MYOM2: variants seen among roughly 807,000 people sequenced by gnomAD.
The protein encoded by MYOM2 is myomesin 2, also known as myomesin-2.
Under a neutral mutation model 187.6 loss-of-function variants are expected in MYOM2, and 254 were observed. That is an observed-to-expected ratio of 1.35 (90% CI 1.22 to 1.50). MYOM2 has a LOEUF of 1.50. Ranked by LOEUF, MYOM2 falls within the 40% of genes most tolerant of loss-of-function variation. The probability of loss-of-function intolerance (pLI) is 0.00; values close to 1 mark genes in which losing one functional copy is unlikely to be tolerated. For missense variants in MYOM2, 2,796 were observed against 1,924.0 expected (o/e 1.45, Z -8.48); for synonymous variants, 981 against 753.8 (o/e 1.30, Z -4.94).
rs1302503339 is a variant in MYOM2, at chr8:2,085,568, C to CCT, written c.1644+179_1644+180insTC. Among the ~76,000 whole-genome samples, 3 of 10,022 alleles carry CCT rather than the reference C, an allele frequency of 3.0e-4. 1 individual carries two copies. In the African/African-American group the frequency reaches 6.8e-3, roughly 23 times the overall value. The allele number at this position is 10,022 out of a possible 152,430, so 6.6% of individuals were successfully genotyped here. The stretch of plus-strand genomic sequence containing the variant: ...CCCCACTGTCATGATCTCTGCGTGG[C>CCT]CCCACTGTTGTGATCTCTGCGTGGC... On this transcript the variant is annotated intron_variant, in intron 14 of 36. Coordinates refer to ENST00000262113, the MANE Select transcript of MYOM2 (RefSeq NM_003970.4).
At chr8:2,062,969 G>T (rs368965961) in intron 6 of MYOM2, among the ~76,000 whole-genome samples, 1 of 152,154 alleles carries the variant, frequency 6.6e-6, no homozygotes, top group African/African-American at 2.4e-5. Flanking sequence ...AGATAAAGTC[G>T]TTGAATCCGC....
intron 10 of MYOM2, among the ~76,000 whole-genome samples, chr8:2,075,052 T>G (rs916182107): frequency 6.6e-6 from 1 of 152,240 alleles, no homozygotes; most frequent in South Asian, 2.1e-4. Flanking sequence ...GATTACTTTT[T>G]CCATTGCATC....
Position 2,106,532 on chromosome 8 carries a change from G to A in MYOM2, c.2933G>A (p.Gly978Glu). ...AAGAATCCGGATAAGGAGGATTTAGGGACTTACTCCGTGTCTGTAAGTGAT... is the reference window on the plus strand; with the variant it reads ...AAGAATCCGGATAAGGAGGATTTAGAGACTTACTCCGTGTCTGTAAGTGAT... ...YLKNPDKEDL[G>E]TYSVSVSDTD... The change falls in exon 23 of 37, where the codon GGG (glycine) becomes GAG (glutamate). Residue 978 changes from glycine to glutamate, a missense_variant. Transcript: ENST00000262113. 6.2e-7 allele frequency: 1 copy of A among 1,612,496 alleles called. No individual in the cohort carries two copies. Among genetic ancestry groups the A allele is most frequent in the Non-Finnish European group, 8.5e-7 (1 of 1,178,598 alleles).
chr8:2,144,789 C>T lies in MYOM2; in HGVS notation c.4206C>T (p.Ser1402=), dbSNP rs773089561. ...SVKVEQAKYV[S]MTIKGVTSED... ...AGGTGGAGCAGGCCAAGTACGTCAGCATGACCATCAAAGGCGTGACCTCCG... is the reference window on the plus strand; with the variant it reads ...AGGTGGAGCAGGCCAAGTACGTCAGTATGACCATCAAAGGCGTGACCTCCG... Residue 1402 remains serine, a synonymous_variant, in exon 37 of 37, where the codon AGC becomes AGT. Coordinates refer to ENST00000262113, the MANE Select transcript of MYOM2 (RefSeq NM_003970.4). 6 of 1,614,228 alleles carry T rather than the reference C, an allele frequency of 3.7e-6. No individual in the cohort carries two copies. Among genetic ancestry groups the T allele is most frequent in the East Asian group, 2.2e-5 (1 of 44,876 alleles).
At chr8:2,105,772 T>C (rs1158150716) in intron 21 of MYOM2, among the ~76,000 whole-genome samples, 1 of 152,250 alleles carries the variant, frequency 6.6e-6, no homozygotes. Context: ...TCCTGGGTCA[T>C]TAAATGCAAC....
intron 27 of MYOM2, among the ~76,000 whole-genome samples, chr8:2,117,071 C>A (rs1427140648): frequency 2.0e-5 from 3 of 152,310 alleles, no homozygotes; most frequent in East Asian, 3.9e-4. Context: ...CCTCAAAAAA[C>A]ATTTTTATAT....
In MYOM2 at chr8:2,074,067, G is replaced by A. The variant is rs147678562; in HGVS notation, c.1120+567G>A. ...CAGGCAGTGTGCTGGGGTCCTACAC[G>A]GATTTCGTCTTCACAGCAGACTCAC... On this transcript the variant is annotated intron_variant, in intron 10 of 36. Coordinates refer to ENST00000262113, the MANE Select transcript of MYOM2 (RefSeq NM_003970.4). 9.8e-4 allele frequency among the ~76,000 whole-genome samples: 149 copies of A among 152,220 alleles called. 1 individual carries two copies. Among genetic ancestry groups the A allele is most frequent in the African/African-American group, 3.5e-3 (145 of 41,510 alleles).
In MYOM2 at chr8:2,047,862, C is replaced by T. The variant is rs147299947; in HGVS notation, c.-13+2694C>T. On this transcript the variant is annotated intron_variant, in intron 1 of 36. Coordinates refer to ENST00000262113, the MANE Select transcript of MYOM2 (RefSeq NM_003970.4). ...TCACACATGAAGTGTTTGAAGACTT[C>T]CAGGCCCACAGGACCGGATGTCACG... 5.9e-3 allele frequency among the ~76,000 whole-genome samples: 901 copies of T among 152,292 alleles called. 3 individuals are homozygous for T. Among genetic ancestry groups the T allele is most frequent in the Non-Finnish European group, 7.2e-3 (490 of 68,020 alleles).
intron 3 of MYOM2, among the ~76,000 whole-genome samples, chr8:2,055,771 C>G (rs560785226): frequency 5.9e-5 from 9 of 152,278 alleles, no homozygotes; most frequent in African/African-American, 2.2e-4. Flanking sequence ...CACCCTGGGT[C>G]TCGGACAGGC....
intron 2 of MYOM2, among the ~76,000 whole-genome samples, chr8:2,051,640 C>G (rs1026264383): frequency 3.9e-5 from 6 of 152,216 alleles, no homozygotes; most frequent in Non-Finnish European, 5.9e-5. Flanking sequence ...TGGGGTGTCT[C>G]AAATCCCTCA....
intron 28 of MYOM2, among the ~76,000 whole-genome samples, chr8:2,120,602 G>A (rs951358513): frequency 4.6e-4 from 57 of 124,464 alleles, no homozygotes; most frequent in African/African-American, 1.5e-3. Flanking sequence ...GAAAGGAACC[G>A]TCTTACTATT....
At chr8:2,115,083 A>G (rs1028803930) in intron 25 of MYOM2, among the ~76,000 whole-genome samples, 1 of 151,936 alleles carries the variant, frequency 6.6e-6, no homozygotes, top group Non-Finnish European at 1.5e-5. Context: ...AAATTTAAGT[A>G]TTAATATTAA....
At chr8:2,080,582 C>T (rs1240847524) in intron 13 of MYOM2, among the ~76,000 whole-genome samples, 1 of 152,210 alleles carries the variant, frequency 6.6e-6, no homozygotes, top group East Asian at 1.9e-4. Context: ...GAAGGACACT[C>T]AATACATAAG....
chr8:2,048,914 C>A (rs6988574), intron 1 of MYOM2, among the ~76,000 whole-genome samples: 1 of 151,672 alleles, frequency 6.6e-6, no homozygotes, highest in African/African-American at 2.4e-5. Flanking sequence ...CTCAGCCTCC[C>A]GAGTAGCTGG....
At chr8:2,084,990 C>A (rs543675845) in intron 13 of MYOM2, 2 of 415,784 alleles carry the variant, frequency 4.8e-6, no homozygotes, top group Non-Finnish European at 4.3e-6. Flanking sequence ...ATCCTTCCCC[C>A]TCTTCCAACA....
chr8:2,073,386 G>T lies in MYOM2; in HGVS notation c.1006G>T (p.Gly336Cys). ...SKWTKMFFGE[G>C]QASLSFSHLH... ...GTGGACGAAGATGTTCTTTGGAGAA[G>T]GCCAGGCCTCCCTGTCCTTCAGCCA... Residue 336 changes from glycine to cysteine, a missense_variant, in exon 10 of 37, where the codon GGC becomes TGC. Coordinates refer to ENST00000262113, the MANE Select transcript of MYOM2 (RefSeq NM_003970.4). 3 of 1,613,488 alleles carry T rather than the reference G, an allele frequency of 1.9e-6. No homozygotes were observed. Among genetic ancestry groups the T allele is most frequent in the Non-Finnish European group, 2.5e-6 (3 of 1,179,726 alleles).
At chr8:2,142,301 G>C (rs994563337) in intron 34 of MYOM2, 74 bp from the exon 35 acceptor site, 4 of 1,414,758 alleles carry the variant, frequency 2.8e-6, no homozygotes, top group African/African-American at 2.8e-5. Context: ...GAGCCTCTCA[G>C]CTGTGCATTT....
chr8:2,091,687 T>G (rs1292113040), intron 15 of MYOM2, among the ~76,000 whole-genome samples: 1 of 152,226 alleles, frequency 6.6e-6, no homozygotes, highest in African/African-American at 2.4e-5. Flanking sequence ...CTCTTAGAAC[T>G]CATACCCAGA....
chr8:2,061,397 G>A (rs1290029666), intron 6 of MYOM2, among the ~76,000 whole-genome samples: 1 of 152,156 alleles, frequency 6.6e-6, no homozygotes, highest in African/African-American at 2.4e-5. Context: ...GGCTCTGCCT[G>A]GCTTCTCTCC....
Sources: gnomAD v4.1 joint callset for allele counts (sites outside exome capture counted in the v4.1 genomes callset) on GRCh38, gnomAD v4.1.1 for gene constraint, MANE v1.5 for transcripts, NCBI Gene and HGNC (gene_info 2026-07-23, HGNC 2026-07-21) for gene names.